The following ATP2A1 variants were observed in gnomAD, a reference collection of about 807,000 sequenced individuals.
The protein encoded by ATP2A1 is sarcoplasmic/endoplasmic reticulum calcium ATPase 1.
ATP2A1 carries 83 observed loss-of-function variants against 109.5 expected under a neutral mutation model. The ratio of observed to expected loss-of-function variants is 0.76; its 90% CI spans 0.63 to 0.91. The LOEUF is 0.91. Among genes scored for constraint, ATP2A1 ranks in the 40% least tolerant of loss-of-function variants. The probability of loss-of-function intolerance (pLI) is 0.00; values close to 1 mark genes in which losing one functional copy is unlikely to be tolerated. For missense variants in ATP2A1, 1,101 were observed against 1,341.0 expected, an observed-to-expected ratio of 0.82 and a Z score of 2.80; for synonymous variants, 505 against 537.6, an observed-to-expected ratio of 0.94 and a Z score of 0.84.
At position 28,894,952 on chromosome 16, in the gene ATP2A1, C is replaced by G; in HGVS notation, c.1418C>G (p.Ser473Trp). 2 of 1,611,138 alleles carry G rather than the reference C, an allele frequency of 1.2e-6. No individual in the cohort carries two copies. Among genetic ancestry groups the G allele is most frequent in the Middle Eastern group, 1.7e-4 (1 of 5,970 alleles). ...GTGGAGAGAGCCAACGCCTGCAACT[C>G]GGTGAGCCTGCGGAGCCCCTGCCAC... Reference protein sequence around the residue: ...SKVERANACNSVIRQLMKKEF... With the variant: ...SKVERANACNWVIRQLMKKEF... The change falls in exon 12 of 23, where the codon TCG becomes TGG. Residue 473 changes from serine (S) to tryptophan (W), a missense_variant and splice_region_variant. Physicochemically the swap from Ser to Trp is radical, Grantham distance 177. Transcript: ENST00000395503.
At chr16:28,881,571 CG>C (rs1056793889) in intron 4 of ATP2A1, 18 of 193,312 alleles carry the variant, frequency 9.3e-5, no homozygotes, top group East Asian at 3.9e-4. Flanking sequence ...GAGGCCGAGG[CG>C]GGTGGATCAG....
chr16:28,902,705 G>A lies in ATP2A1; in HGVS notation c.2610+40G>A, dbSNP rs41292394. 0.15 allele frequency: 248,726 copies of A among 1,613,602 alleles called. 21,558 individuals are homozygous for A. The highest frequency in any genetic ancestry group is 0.23 in the Middle Eastern group (1,387 of 6,062). The stretch of plus-strand genomic sequence containing the variant: ...CAAAGGAGGGGACCAGGAGGGTGTG[G>A]GGATGCAGGAGGGTACCAGGAGGGT... On this transcript the variant is annotated intron_variant, in intron 18 of 22. Transcript: ENST00000395503. The surrounding 1 kb of genome is among the most constrained non-coding windows in gnomAD (Gnocchi z 4.8).
chr16:28,889,102 C>G, intron 9 of ATP2A1, 149 bp downstream of exon 9: 1 of 1,185,886 alleles, frequency 8.4e-7, no homozygotes, highest in Non-Finnish European at 1.2e-6. Context: ...GCCATCCTGT[C>G]TGCCATGAAC....
rs529261952 is a variant in ATP2A1 at position 28,904,417 on chromosome 16, C to A, written c.*275C>A. The A allele has an allele frequency of 2.0e-6, 3 of 1,533,808 alleles. No homozygotes were observed. The highest frequency in any genetic ancestry group is 2.6e-6 in the Non-Finnish European group (3 of 1,145,604). ...GAGGGGCTTGCAGGGACAAGGCGAC[C>A]GACTGCGCTGAGCTGCTTATTTATT... is the stretch of plus-strand genomic sequence containing the variant. On this transcript the variant is annotated 3_prime_UTR_variant, in exon 23 of 23. Transcript: ENST00000395503.
At position 28,903,627 on chromosome 16, in the gene ATP2A1, C is replaced by A. The variant is rs1289715283; in HGVS notation, c.2981-73C>A. The A allele has an allele frequency of 1.3e-5, 16 of 1,275,102 alleles. No homozygotes were observed. Among genetic ancestry groups the A allele is most frequent in the Non-Finnish European group, 1.7e-5 (15 of 870,508 alleles). 79.0% of individuals were successfully genotyped at this position (1,275,102 alleles called of 1,614,324 possible). A position where few individuals can be genotyped will look rare whatever the true frequency, so the allele number is the denominator to read the frequency against. ...GGGGCAGCCCCACTGCCTCCTCAGCCCCCACAGCCCCTATAGCCCCCATGC... is the reference window on the plus strand; with the variant it reads ...GGGGCAGCCCCACTGCCTCCTCAGCACCCACAGCCCCTATAGCCCCCATGC... On this transcript the variant is annotated intron_variant, in intron 21 of 22. Transcript: ENST00000395503. This position sits in a 1 kb window ranked among gnomAD's most constrained non-coding sequence, Gnocchi z 5.6.
rs773695311 is a variant in ATP2A1, at chr16:28,903,288, C to T, written c.2863-35C>T. The T allele has an allele frequency of 1.2e-5, 19 of 1,590,032 alleles. No individual in the cohort carries two copies. The African/African-American group carries it at 2.2e-4, about 18-fold the overall frequency. ...GTGCTGGTCTCTGGCTCCCTCCCCACCCCCTCCTGAGAGGGCGCTTGTCCC... is the reference window on the plus strand; with the variant it reads ...GTGCTGGTCTCTGGCTCCCTCCCCATCCCCTCCTGAGAGGGCGCTTGTCCC... On this transcript the variant is annotated intron_variant, in intron 20 of 22. Coordinates refer to ENST00000395503, the MANE Select transcript of ATP2A1 (RefSeq NM_004320.6). This position sits in a 1 kb window ranked among gnomAD's most constrained non-coding sequence, Gnocchi z 5.6.
chr16:28,891,784 C>T (rs1732721668), intron 9 of ATP2A1, among the ~76,000 whole-genome samples: 1 of 150,692 alleles, frequency 6.6e-6, no homozygotes, highest in Admixed American at 6.6e-5. Context: ...GAGGCTGAGG[C>T]AGGAGAATCG....
chr16:28,904,252 AG>A lies in ATP2A1; in HGVS notation c.*112del. On this transcript the variant is annotated 3_prime_UTR_variant, in exon 23 of 23. Transcript: ENST00000395503. ...CCCACCCCGATAGTGACACATCTTC[AG>A]GCAGAGCTGTGGCACAGACCCCCGT... 6.2e-7 allele frequency: 1 copy of A among 1,613,488 alleles called. No homozygotes were observed. Among genetic ancestry groups the A allele is most frequent in the Non-Finnish European group, 8.5e-7 (1 of 1,179,656 alleles).
chr16:28,902,951 G>A lies in ATP2A1; in HGVS notation c.2744+40G>A, dbSNP rs202097341. ...GCTACACCCACCACCCTCCCCTGAG[G>A]CCACTGCCCACATCCTCCACTGTGC... is the stretch of plus-strand genomic sequence containing the variant. On this transcript the variant is annotated intron_variant, in intron 19 of 22. Coordinates refer to ENST00000395503, the MANE Select transcript of ATP2A1 (RefSeq NM_004320.6). The surrounding 1 kb of genome is among the most constrained non-coding windows in gnomAD (Gnocchi z 4.8). 2.1e-5 allele frequency: 34 copies of A among 1,613,444 alleles called. No individual in the cohort carries two copies. In the East Asian group the frequency reaches 3.3e-4, roughly 16 times the overall value.
intron 15 of ATP2A1, 86 bp from the exon 16 acceptor site, chr16:28,901,773 AGAGT>A (rs1346850783): frequency 8.5e-7 from 1 of 1,171,380 alleles, no homozygotes; most frequent in Middle Eastern, 2.7e-4. Flanking sequence ...CCTGGGCAAC[AGAGT>A]GAGACCTCAT....
At chr16:28,891,697 G>A (rs576582519) in intron 9 of ATP2A1, among the ~76,000 whole-genome samples, 1 of 151,282 alleles carries the variant, frequency 6.6e-6, no homozygotes, top group East Asian at 1.9e-4. Context: ...GGCCAACATG[G>A]TGAAAACCAG....
At chr16:28,884,508 G>C in intron 5 of ATP2A1, 67 bp from the exon 6 acceptor site, 1 of 1,445,694 alleles carries the variant, frequency 6.9e-7, no homozygotes, top group Non-Finnish European at 9.7e-7. Flanking sequence ...ACACAGATTG[G>C]GTTTTTCTTT....
intron 3 of ATP2A1, chr16:28,879,898 G>C (rs1483198502): frequency 2.7e-6 from 2 of 736,456 alleles, no homozygotes; most frequent in African/African-American, 3.9e-5. Context: ...CCGCCGCGAT[G>C]CCGGCTGCGG....
chr16:28,882,400 A>G (rs767155841), intron 4 of ATP2A1, 51 bp from the exon 5 acceptor site: 37 of 1,591,536 alleles, frequency 2.3e-5, no homozygotes, highest in Non-Finnish European at 2.9e-5. Context: ...CCACAACTCC[A>G]TAACTCTGCC....
rs148638285 is a variant in ATP2A1, at chr16:28,900,583, G to A, written c.1767G>A (p.Thr589=). The A allele has an allele frequency of 2.0e-5, 31 of 1,560,258 alleles. No individual in the cohort carries two copies. Among genetic ancestry groups the A allele is most frequent in the East Asian group, 1.1e-4 (5 of 44,272 alleles). Residue 589 remains threonine (T), a splice_region_variant and synonymous_variant, in exon 15 of 23, where the codon ACG becomes ACA. Transcript: ENST00000395503. ...GGCTCTCTGCTGTATCTCCCCAGAC[G>A]GACCTGACATTCGTGGGTGTAGTGG... ...DDSARFLEYE[T]DLTFVGVVGM...
Position 28,882,543 on chromosome 16 carries a change from G to A in ATP2A1, c.417G>A (p.Arg139=), listed in dbSNP as rs753721392. ...GGGCTGACCGCAAGTCAGTGCAAAG[G>A]ATCAAGGCTCGGGACATCGTCCCTG... is the stretch of plus-strand genomic sequence containing the variant. The part of the protein sequence containing the change: ...VYRADRKSVQ[R]IKARDIVPGD... The change falls in exon 5 of 23, where the codon AGG becomes AGA. Residue 139 remains arginine, a synonymous_variant. Coordinates refer to ENST00000395503, the MANE Select transcript of ATP2A1 (RefSeq NM_004320.6). 20 of 1,614,116 alleles carry A rather than the reference G, an allele frequency of 1.2e-5. No homozygotes were observed. In the Admixed American group the frequency reaches 3.2e-4, roughly 26 times the overall value.
At chr16:28,891,365 T>G (rs1299857820) in intron 9 of ATP2A1, among the ~76,000 whole-genome samples, 1 of 146,166 alleles carries the variant, frequency 6.8e-6, no homozygotes, top group African/African-American at 2.5e-5. Context: ...GAGGCCGAGG[T>G]GAGCAGATCA....
chr16:28,899,286 G>T (rs565225400), intron 14 of ATP2A1, among the ~76,000 whole-genome samples: 2 of 152,204 alleles, frequency 1.3e-5, no homozygotes, highest in Non-Finnish European at 2.9e-5. Context: ...TGTGGGTCAC[G>T]TAGTGGCACT....
intron 2 of ATP2A1, 85 bp downstream of exon 2, chr16:28,879,201 T>G (rs769423552): frequency 6.6e-7 from 1 of 1,512,810 alleles, no homozygotes; most frequent in Non-Finnish European, 9.2e-7. Flanking sequence ...CCTCTTTAGA[T>G]TCTTTGAGCA....
Sources: allele counts gnomAD v4.1 joint callset (sites outside exome capture counted in the v4.1 genomes callset), GRCh38; gene constraint gnomAD v4.1.1; non-coding constraint Gnocchi (gnomAD v3.1); transcripts MANE v1.5; gene names NCBI Gene and HGNC (gene_info 2026-07-23, HGNC 2026-07-21).